CDKAL1: variants seen among roughly 807,000 people sequenced by gnomAD.
CDKAL1 encodes CDKAL1 threonylcarbamoyladenosine tRNA methylthiotransferase.
In CDKAL1, 32 loss-of-function variants were observed where a neutral mutation model predicts 68.2. That is an observed-to-expected ratio of 0.47 (90% confidence interval 0.35 to 0.63). CDKAL1 has a LOEUF of 0.63. CDKAL1 is among the 30% of genes least tolerant of loss of function. The pLI is 0.00. For synonymous variants in CDKAL1, 234 were observed against 244.3 expected, an observed-to-expected ratio of 0.96 and a Z score of 0.39; for missense variants, 606 against 696.7, an observed-to-expected ratio of 0.87 and a Z score of 1.47.
chr6:21,057,816 GT>G, intron 11 of CDKAL1, among the ~76,000 whole-genome samples: 1 of 152,150 alleles, frequency 6.6e-6, no homozygotes, highest in Admixed American at 6.5e-5. Context: ...ATGTAGTTGT[GT>G]GGCTTTAAGT....
At chr6:21,079,209 T>C (rs1422713011) in intron 12 of CDKAL1, among the ~76,000 whole-genome samples, 1 of 152,178 alleles carries the variant, frequency 6.6e-6, no homozygotes, top group Non-Finnish European at 1.5e-5. Context: ...CAGGAATAGG[T>C]TAGTGTCAAT....
rs545738769 is a variant in CDKAL1, at chr6:20,739,060, T to C, written c.372-459T>C. Among the ~76,000 whole-genome samples the C allele has an allele frequency of 2.0e-5, 3 of 152,306 alleles. No homozygotes were observed. In the East Asian group the frequency reaches 5.8e-4, roughly 29 times the overall value. On this transcript the variant is annotated intron_variant, in intron 5 of 15. Transcript: ENST00000274695. ...CTAGCACGTAGGGTATTATACCTTTTATTTACTCTTCTCTGTTTCAGTTTT... is the reference window on the plus strand; with the variant it reads ...CTAGCACGTAGGGTATTATACCTTTCATTTACTCTTCTCTGTTTCAGTTTT...
In CDKAL1 at chr6:20,895,297, T is replaced by C. The variant is rs938332923; in HGVS notation, c.742+49119T>C. Among the ~76,000 whole-genome samples, 5 of 152,230 alleles carry C rather than the reference T, an allele frequency of 3.3e-5. No homozygotes were observed. In the South Asian group the frequency reaches 6.2e-4, roughly 19 times the overall value. ...TTGGGTTGTTTCCAATTACAAACAATGCAATTGTAATGAACATTTGCACTT... is the reference window on the plus strand; with the variant it reads ...TTGGGTTGTTTCCAATTACAAACAACGCAATTGTAATGAACATTTGCACTT... On this transcript the variant is annotated intron_variant, in intron 9 of 15. Coordinates refer to ENST00000274695, the MANE Select transcript of CDKAL1 (RefSeq NM_017774.3).
intron 13 of CDKAL1, among the ~76,000 whole-genome samples, chr6:21,183,542 T>G (rs1483270812): frequency 6.6e-6 from 1 of 152,180 alleles, no homozygotes; most frequent in Non-Finnish European, 1.5e-5. Flanking sequence ...CTACTTGAAA[T>G]TAAAATTCCC....
intron 13 of CDKAL1, among the ~76,000 whole-genome samples, chr6:21,167,486 T>C (rs1777199367): frequency 6.6e-6 from 1 of 152,210 alleles, no homozygotes; most frequent in South Asian, 2.1e-4. Context: ...AATAGCCACT[T>C]AACTTTAAAT....
intron 9 of CDKAL1, among the ~76,000 whole-genome samples, chr6:20,926,284 C>T (rs891022880): frequency 1.3e-5 from 2 of 151,946 alleles, no homozygotes; most frequent in South Asian, 2.1e-4. Flanking sequence ...ATAATCTGGT[C>T]AGTACACTTA....
chr6:20,624,005 T>A (rs1053523495), intron 4 of CDKAL1, among the ~76,000 whole-genome samples: 5 of 152,112 alleles, frequency 3.3e-5, no homozygotes, highest in South Asian at 2.1e-4. Context: ...TATATTTTTT[T>A]AAAGGAGTAT....
chr6:20,756,833 TTC>T (rs1774196370), intron 6 of CDKAL1: 1 of 147,970 alleles, frequency 6.8e-6, no homozygotes, highest in Non-Finnish European at 1.5e-5. Flanking sequence ...CCTTCCTTCC[TTC>T]CTTTCTTCCT....
At chr6:20,593,846 A>T (rs539950132) in intron 4 of CDKAL1, among the ~76,000 whole-genome samples, 1 of 152,262 alleles carries the variant, frequency 6.6e-6, no homozygotes, top group Non-Finnish European at 1.5e-5. Context: ...ACACTGCTTT[A>T]TCTGTGTCTT....
intron 8 of CDKAL1, among the ~76,000 whole-genome samples, chr6:20,827,180 C>A (rs1042014359): frequency 6.6e-6 from 1 of 152,112 alleles, no homozygotes; most frequent in African/African-American, 2.4e-5. Flanking sequence ...GGAGCCAGAC[C>A]GTCTGGATTC....
At chr6:21,002,489 T>A (rs1480116926) in intron 11 of CDKAL1, among the ~76,000 whole-genome samples, 2 of 152,124 alleles carry the variant, frequency 1.3e-5, no homozygotes, top group Non-Finnish European at 2.9e-5. Context: ...GAGAGATTTT[T>A]AAATTAACGC....
At chr6:20,940,546 T>C (rs1310681881) in intron 9 of CDKAL1, among the ~76,000 whole-genome samples, 1 of 152,166 alleles carries the variant, frequency 6.6e-6, no homozygotes, top group Non-Finnish European at 1.5e-5. Context: ...TTTCAATTTG[T>C]AATCAATTTC....
intron 4 of CDKAL1, among the ~76,000 whole-genome samples, chr6:20,583,327 C>T (rs1427923772): frequency 1.3e-5 from 2 of 152,118 alleles, no homozygotes; most frequent in African/African-American, 2.4e-5. Flanking sequence ...GTATTGATGT[C>T]TTCAGTATCA....
At chr6:20,620,993 T>C (rs1241608836) in intron 4 of CDKAL1, among the ~76,000 whole-genome samples, 31 of 152,160 alleles carry the variant, frequency 2.0e-4, no homozygotes. Context: ...TTACATTTAC[T>C]TGTCATGTCT....
At position 21,091,857 on chromosome 6, in the gene CDKAL1, C is replaced by CTTTTTTTTTTTTTT. The variant is rs70990099; in HGVS notation, c.1237-16510_1237-16497dup. Among the ~76,000 whole-genome samples the CTTTTTTTTTTTTTT allele has an allele frequency of 1.8e-4, 13 of 70,580 alleles. 2 individuals carry two copies. The highest frequency in any genetic ancestry group is 3.4e-4 in the Non-Finnish European group (13 of 38,610). The allele number at this position is 70,580 out of a possible 152,430, so 46.3% of individuals were successfully genotyped here. A position where few individuals can be genotyped will look rare whatever the true frequency, so the allele number is the denominator to read the frequency against. On this transcript the variant is annotated intron_variant, in intron 12 of 15. Coordinates refer to ENST00000274695, the MANE Select transcript of CDKAL1 (RefSeq NM_017774.3). ...AATGCAGCAACAGGCTCAGAACTTTCTTTTTTTTTTTTTTTTTTTTTTTTT... is the reference window on the plus strand; with the variant it reads ...AATGCAGCAACAGGCTCAGAACTTTCTTTTTTTTTTTTTTTTTTTTTTTTTTTTTTTTTTTTTTT...
In CDKAL1 at chr6:21,093,694, C is replaced by CTTTT. The variant is rs547923386; in HGVS notation, c.1237-14670_1237-14667dup. 4.3e-4 allele frequency among the ~76,000 whole-genome samples: 38 copies of CTTTT among 88,080 alleles called. 3 individuals carry two copies. The highest frequency in any genetic ancestry group is 6.0e-4 in the Non-Finnish European group (27 of 45,342). The allele number at this position is 88,080 out of a possible 152,430, so 57.8% of individuals were successfully genotyped here. A position where few individuals can be genotyped will look rare whatever the true frequency, so the allele number is the denominator to read the frequency against. On this transcript the variant is annotated intron_variant, in intron 12 of 15. Transcript: ENST00000274695. Reference sequence around the variant, plus strand: ...ATAACCAACTGAGCTGCTGCTGCTGCTTTTTTTTTTTTTTTTTTTTTTTTT... The same window carrying CTTTT: ...ATAACCAACTGAGCTGCTGCTGCTGCTTTTTTTTTTTTTTTTTTTTTTTTTTTTT...
chr6:20,772,441 T>C (rs909384732), intron 7 of CDKAL1, among the ~76,000 whole-genome samples: 7 of 152,192 alleles, frequency 4.6e-5, no homozygotes, highest in African/African-American at 1.7e-4. Context: ...ATAAGTCTAC[T>C]CCCACTGTCA....
chr6:20,606,800 A>ACTGT (rs920040886), intron 4 of CDKAL1, among the ~76,000 whole-genome samples: 1 of 152,196 alleles, frequency 6.6e-6, no homozygotes, highest in Non-Finnish European at 1.5e-5. Context: ...AAATTGCAAA[A>ACTGT]CTGTCTGCCA....
Position 20,680,764 on chromosome 6 carries a change from G to A in CDKAL1, c.371+31387G>A, listed in dbSNP as rs190568311. On this transcript the variant is annotated intron_variant, in intron 5 of 15. Transcript: ENST00000274695. ...TTGTATAGAAACCCGGCACGACAGG[G>A]CACTTTCGGGTCATGCCTTGAGTCT... 2.6e-3 allele frequency among the ~76,000 whole-genome samples: 391 copies of A among 152,318 alleles called. 1 individual carries two copies. Among genetic ancestry groups the A allele is most frequent in the African/African-American group, 9.0e-3 (375 of 41,564 alleles).
Sources: allele counts gnomAD v4.1 joint callset (sites outside exome capture counted in the v4.1 genomes callset), GRCh38; gene constraint gnomAD v4.1.1; transcripts MANE v1.5; gene names NCBI Gene and HGNC (gene_info 2026-07-23, HGNC 2026-07-21).